TIE1: variants seen among roughly 807,000 people sequenced by gnomAD.
TIE1 encodes tyrosine-protein kinase receptor Tie-1.
In TIE1, 89 loss-of-function variants were observed where a neutral mutation model predicts 130.5. The ratio of observed to expected loss-of-function variants is 0.68; its 90% CI spans 0.57 to 0.81. The LOEUF (loss-of-function observed/expected upper bound fraction) is 0.81, where lower values mean the gene tolerates loss of function less well. Ranked by LOEUF, TIE1 falls within the 40% of genes least tolerant of loss-of-function variation. The pLI, the probability that TIE1 is intolerant of heterozygous loss-of-function variation, is 0.00. For synonymous variants in TIE1, 568 were observed against 629.4 expected (o/e 0.90, Z 1.46); for missense variants, 1,392 against 1,559.8 (o/e 0.89, Z 1.81).
chr1:43,318,351 T>C lies in TIE1; in HGVS notation c.2922+279T>C, dbSNP rs1179832988. Among the ~76,000 whole-genome samples the C allele has an allele frequency of 6.6e-6, 1 of 151,862 alleles. No individual in the cohort carries two copies. Among genetic ancestry groups the C allele is most frequent in the East Asian group, 1.9e-4 (1 of 5,182 alleles). On this transcript the variant is annotated intron_variant, in intron 17 of 22. Coordinates refer to ENST00000372476, the MANE Select transcript of TIE1 (RefSeq NM_005424.5). The surrounding 1 kb of genome is among the most constrained non-coding windows in gnomAD (Gnocchi z 4.4). ...CTGGAGACAGCATCTGTGTGTGAGC[T>C]GTCACCCCACAGATGGTGCCTAATG...
intron 7 of TIE1, chr1:43,308,769 G>A (rs561174164): frequency 1.2e-5 from 8 of 669,108 alleles, no homozygotes; most frequent in African/African-American, 3.5e-5. Flanking sequence ...GGTATTAGAC[G>A]GTATCGGGAA....
intron 1 of TIE1, 94 bp downstream of exon 1, chr1:43,301,223 G>C: frequency 7.1e-7 from 1 of 1,403,540 alleles, no homozygotes; most frequent in Non-Finnish European, 9.8e-7. Context: ...ACAGAAAGTA[G>C]GATGATGGTT....
chr1:43,304,707 G>A, intron 1 of TIE1, 144 bp from the exon 2 acceptor site: 1 of 844,502 alleles, frequency 1.2e-6, no homozygotes, highest in Non-Finnish European at 1.6e-6. Flanking sequence ...TGAAGAACCG[G>A]GCAGGGGAAG....
At chr1:43,303,736 T>C (rs1470647895) in intron 1 of TIE1, among the ~76,000 whole-genome samples, 1 of 152,118 alleles carries the variant, frequency 6.6e-6, no homozygotes, top group Non-Finnish European at 1.5e-5. Context: ...ATATTGCCAC[T>C]GCAGGCCTCT....
Position 43,314,019 on chromosome 1 carries a change from T to C in TIE1, c.2409+51T>C, listed in dbSNP as rs766017439. Reference sequence around the variant, plus strand: ...TGCATGCTTGCAGCCCGTGTTTATGTTTCTACCTGTGTACACACAATACCT... The same window carrying C: ...TGCATGCTTGCAGCCCGTGTTTATGCTTCTACCTGTGTACACACAATACCT... On this transcript the variant is annotated intron_variant, in intron 14 of 22. Coordinates refer to ENST00000372476, the MANE Select transcript of TIE1 (RefSeq NM_005424.5). The C allele has an allele frequency of 6.3e-6, 10 of 1,587,598 alleles. No homozygotes were observed. In the Admixed American group the frequency reaches 1.5e-4, roughly 24 times the overall value.
At chr1:43,314,560 A>G in intron 14 of TIE1, 7 of 991,392 alleles carry the variant, frequency 7.1e-6, no homozygotes, top group Non-Finnish European at 8.4e-6. Flanking sequence ...GGGCACAGTG[A>G]CTTGCACCTG....
chr1:43,311,262 C>T (rs1364970247), intron 9 of TIE1, among the ~76,000 whole-genome samples: 1 of 149,668 alleles, frequency 6.7e-6, no homozygotes, highest in Non-Finnish European at 1.5e-5. Context: ...AAGCGTGTGG[C>T]GGGGAGCAGG....
At chr1:43,301,560 C>A (rs1310011540) in intron 1 of TIE1, among the ~76,000 whole-genome samples, 1 of 151,618 alleles carries the variant, frequency 6.6e-6, no homozygotes, top group East Asian at 1.9e-4. Context: ...GGGTTATATG[C>A]TGCTTACAAA....
In TIE1 at chr1:43,318,266, G is replaced by T. The variant is rs1299515390; in HGVS notation, c.2922+194G>T. The stretch of plus-strand genomic sequence containing the variant: ...GAGGTGGGGACTTCCAGTATGGAGG[G>T]TGCGGGTGTTGAGTGAGCAGGTCTA... On this transcript the variant is annotated intron_variant, in intron 17 of 22. Transcript: ENST00000372476. This position sits in a 1 kb window ranked among gnomAD's most constrained non-coding sequence, Gnocchi z 4.4. 6.6e-6 allele frequency among the ~76,000 whole-genome samples: 1 copy of T among 152,190 alleles called. No homozygotes were observed. The highest frequency in any genetic ancestry group is 2.4e-5 in the African/African-American group (1 of 41,454).
Position 43,319,633 on chromosome 1 carries a change from C to A in TIE1, c.3107+104C>A. 8.1e-7 allele frequency: 1 copy of A among 1,228,186 alleles called. No homozygotes were observed. The highest frequency in any genetic ancestry group is 1.5e-5 in the African/African-American group (1 of 67,216). The allele number at this position is 1,228,186 out of a possible 1,614,324, so 76.1% of individuals were successfully genotyped here. ...TGTCATAGGTGGTCTAAGGCATGAC[C>A]TGGGCTGTGTTCCAGGTGTGACACA... is the stretch of plus-strand genomic sequence containing the variant. On this transcript the variant is annotated intron_variant, in intron 19 of 22. Transcript: ENST00000372476. This position sits in a 1 kb window ranked among gnomAD's most constrained non-coding sequence, Gnocchi z 4.7.
chr1:43,319,317 G>A lies in TIE1; in HGVS notation c.3005G>A (p.Arg1002Gln). Residue 1002 changes from arginine to glutamine, a missense_variant, in exon 18 of 23, where the codon CGG (arginine) becomes CAG (glutamine). Transcript: ENST00000372476. This position sits in a 1 kb window ranked among gnomAD's most constrained non-coding sequence, Gnocchi z 4.7. Reference protein sequence around the residue: ...ASKIADFGLSRGEEVYVKKTM... With the variant: ...ASKIADFGLSQGEEVYVKKTM... ...AAGATTGCAGACTTCGGCCTTTCTC[G>A]GGGAGAGGAGGTTTATGTGAAGAAG... 1 of 1,613,988 alleles carries A rather than the reference G, an allele frequency of 6.2e-7. No homozygotes were observed. Among genetic ancestry groups the A allele is most frequent in the Non-Finnish European group, 8.5e-7 (1 of 1,179,954 alleles).
chr1:43,301,098 G>A lies in TIE1; in HGVS notation c.27G>A (p.Leu9=), dbSNP rs1292048662. 1 of 1,613,688 alleles carries A rather than the reference G, an allele frequency of 6.2e-7. No homozygotes were observed. Among genetic ancestry groups the A allele is most frequent in the African/African-American group, 1.3e-5 (1 of 74,882 alleles). The stretch of plus-strand genomic sequence containing the variant: ...TGGTCTGGCGGGTGCCCCCTTTCTT[G>A]CTCCCCATCCTCTTCTTGGCTTCTC... MVWRVPPF[L]LPILFLASHV... is the part of the protein sequence containing the mutation. The change falls in exon 1 of 23, where the codon TTG becomes TTA. Residue 9 remains leucine (L), a synonymous_variant. Coordinates refer to ENST00000372476, the MANE Select transcript of TIE1 (RefSeq NM_005424.5).
Position 43,309,038 on chromosome 1 carries a change from G to C in TIE1, c.1095G>C (p.Glu365Asp). ...CCTCAGAACTGGAGTTCAACTTAGA[G>C]ACGATGCCCCGGATCAACTGTGCAG... is the stretch of plus-strand genomic sequence containing the variant. ...NMASELEFNL[E>D]TMPRINCAAA... The change falls in exon 8 of 23, where the codon GAG becomes GAC. Residue 365 changes from glutamate to aspartate, a missense_variant. By Grantham distance (45) the Glu-to-Asp change is conservative (BLOSUM62 2). Transcript: ENST00000372476. The surrounding 1 kb of genome is among the most constrained non-coding windows in gnomAD (Gnocchi z 6.3). 5.0e-6 allele frequency: 8 copies of C among 1,614,078 alleles called. No homozygotes were observed. Among genetic ancestry groups the C allele is most frequent in the Non-Finnish European group, 6.8e-6 (8 of 1,179,982 alleles).
Position 43,313,221 on chromosome 1 carries a change from G to C in TIE1, c.2014G>C (p.Gly672Arg). The change falls in exon 13 of 23, where the codon GGG (glycine) becomes CGG (arginine). Residue 672 changes from glycine (G) to arginine (R), a missense_variant. Gly to Arg is a moderately radical substitution (Grantham distance 125, BLOSUM62 -2). This residue lies in a region of TIE1 where 551 missense variants were observed against 565.5 expected (regional missense o/e 0.97). Coordinates refer to ENST00000372476, the MANE Select transcript of TIE1 (RefSeq NM_005424.5). This position sits in a 1 kb window ranked among gnomAD's most constrained non-coding sequence, Gnocchi z 6.2. ...LTWKHPEALP[G>R]PISKYVVEVQ... ...ATGGAAGCACCCGGAGGCTCTGCCT[G>C]GGCCAATATCCAAGTACGTTGTGGA... is the stretch of plus-strand genomic sequence containing the variant. The C allele has an allele frequency of 6.2e-7, 1 of 1,613,992 alleles. No homozygotes were observed. The highest frequency in any genetic ancestry group is 1.1e-5 in the South Asian group (1 of 91,086).
chr1:43,308,618 A>T (rs1284490124), intron 7 of TIE1, among the ~76,000 whole-genome samples: 1 of 152,144 alleles, frequency 6.6e-6, no homozygotes, highest in East Asian at 1.9e-4. Context: ...AGGTAGTCAG[A>T]TCCGTGTTGG....
rs1646889688 is a variant in TIE1, at chr1:43,319,218, T to G, written c.2923-17T>G. The stretch of plus-strand genomic sequence containing the variant: ...CCCTCATCCCCAGTCTCTCCTGACT[T>G]CTGACCCTGCCTACAGTTCATCCAC... On this transcript the variant is annotated splice_polypyrimidine_tract_variant and intron_variant, in intron 17 of 22. Coordinates refer to ENST00000372476, the MANE Select transcript of TIE1 (RefSeq NM_005424.5). The surrounding 1 kb of genome is among the most constrained non-coding windows in gnomAD (Gnocchi z 4.7). 1.2e-6 allele frequency: 2 copies of G among 1,604,464 alleles called. No homozygotes were observed. Among genetic ancestry groups the G allele is most frequent in the Non-Finnish European group, 1.7e-6 (2 of 1,171,198 alleles).
chr1:43,317,484 C>T lies in TIE1; in HGVS notation c.2620+75C>T, dbSNP rs1557452746. 1 of 1,609,024 alleles carries T rather than the reference C, an allele frequency of 6.2e-7. No individual in the cohort carries two copies. The highest frequency in any genetic ancestry group is 2.2e-5 in the East Asian group (1 of 44,844). On this transcript the variant is annotated intron_variant, in intron 15 of 22. Transcript: ENST00000372476. This position sits in a 1 kb window ranked among gnomAD's most constrained non-coding sequence, Gnocchi z 5.1. ...CAAATCCCAGGCCCCACCTGGCTTC[C>T]TCCAGCAATTGACCCCAGCCCTTGC... is the stretch of plus-strand genomic sequence containing the variant.
chr1:43,303,409 T>C (rs900635068), intron 1 of TIE1, among the ~76,000 whole-genome samples: 14 of 152,172 alleles, frequency 9.2e-5, no homozygotes, highest in African/African-American at 3.4e-4. Context: ...CTTCACTGGT[T>C]GTGAGGATCC....
intron 1 of TIE1, among the ~76,000 whole-genome samples, chr1:43,303,505 C>G (rs1646690997): frequency 2.0e-5 from 3 of 152,154 alleles, no homozygotes; most frequent in Non-Finnish European, 4.4e-5. Context: ...CACTGATAAG[C>G]TAGGTGGCAT....
Sources: gnomAD v4.1 joint callset for allele counts (sites outside exome capture counted in the v4.1 genomes callset) on GRCh38, gnomAD v4.1.1 for gene constraint, gnomAD v4.1.1 regional missense constraint, Gnocchi (gnomAD v3.1) non-coding constraint, MANE v1.5 for transcripts, NCBI Gene and HGNC (gene_info 2026-07-23, HGNC 2026-07-21) for gene names.